PDLIM2: variants seen among roughly 807,000 people sequenced by gnomAD.
PDLIM2 encodes PDZ and LIM domain protein 2.
Under a neutral mutation model 54.1 loss-of-function variants are expected in PDLIM2, and 51 were observed. The observed-to-expected ratio is 0.94, with a 90% CI of 0.75 to 1.19. The LOEUF is 1.19. Ranked by LOEUF, PDLIM2 falls within the 50% of genes most tolerant of loss-of-function variation. The pLI, the probability that PDLIM2 is intolerant of heterozygous loss-of-function variation, is 0.00. For missense variants in PDLIM2, 912 were observed against 874.0 expected (o/e 1.04, Z -0.55); for synonymous variants, 398 against 385.6 (o/e 1.03, Z -0.38).
exon 1 of PDLIM2, chr8:22,579,311 G>A (rs1412029803): frequency 7.0e-7 from 1 of 1,423,428 alleles, no homozygotes; most frequent in Non-Finnish European, 9.1e-7. Context: ...GCGGAACCCT[G>A]GCCTCGTCCG....
intron 1 of PDLIM2, chr8:22,579,636 G>A: frequency 8.0e-7 from 1 of 1,244,056 alleles, no homozygotes; most frequent in Non-Finnish European, 1.0e-6. Flanking sequence ...CGGGGATGGA[G>A]CGGACAGACC....
At chr8:22,594,029 C>A (rs1463989073) in exon 10 of PDLIM2, 3 of 1,458,280 alleles carry the variant, frequency 2.1e-6, no homozygotes, top group Non-Finnish European at 2.7e-6. Flanking sequence ...AGACCTGAGG[C>A]CCCTTTGTCC....
chr8:22,594,672 C>T (rs759612123), downstream of PDLIM2: 53 of 1,597,546 alleles, frequency 3.3e-5, no homozygotes, highest in East Asian at 1.1e-4. Context: ...TCCTGAGGAC[C>T]GGCCGCCCAC....
intron 5 of PDLIM2, 34 bp downstream of exon 4, chr8:22,585,196 C>T: frequency 6.2e-7 from 1 of 1,609,204 alleles, no homozygotes; most frequent in Non-Finnish European, 8.5e-7. Flanking sequence ...CCCTGGTCGC[C>T]TGCGCTGCCA....
downstream of PDLIM2, chr8:22,594,660 GA>G: frequency 6.2e-7 from 1 of 1,607,116 alleles, no homozygotes; most frequent in Non-Finnish European, 8.5e-7. Flanking sequence ...GACAACCTCT[GA>G]TCCTGAGGAC....
intron 6 of PDLIM2, among the ~76,000 whole-genome samples, chr8:22,586,477 G>T (rs1331548272): frequency 6.6e-6 from 1 of 152,220 alleles, no homozygotes; most frequent in East Asian, 1.9e-4. Flanking sequence ...GGCTGTGTGA[G>T]GAGTATTGCT....
exon 3 of PDLIM2, chr8:22,581,459 G>C: frequency 6.2e-7 from 1 of 1,607,616 alleles, no homozygotes; most frequent in South Asian, 1.1e-5. Flanking sequence ...AAAGCGCGGA[G>C]GGCATGCTGC....
chr8:22,593,651 C>A, intron 9 of PDLIM2, 82 bp from the exon 9 acceptor site: 1 of 1,225,290 alleles, frequency 8.2e-7, no homozygotes, highest in Non-Finnish European at 1.1e-6. Flanking sequence ...CCTGATGCTA[C>A]AGTGGGGACC....
intron 1 of PDLIM2, chr8:22,579,579 G>A (rs1162402868): frequency 1.4e-6 from 2 of 1,425,010 alleles, no homozygotes; most frequent in Non-Finnish European, 1.8e-6. Context: ...TGGGGTGGGG[G>A]CGGTGCTGGG....
intron 6 of PDLIM2, chr8:22,588,855 T>C: frequency 4.8e-6 from 1 of 207,288 alleles, no homozygotes; most frequent in Non-Finnish European, 9.7e-6. Context: ...ACCCCTTGCT[T>C]CATCCCTTTA....
In PDLIM2 at chr8:22,589,298, G is replaced by T. The variant is rs922506743; in HGVS notation, c.1291G>T (p.Ala431Ser). 1.0e-4 allele frequency: 160 copies of T among 1,533,746 alleles called. No homozygotes were observed. Among genetic ancestry groups the T allele is most frequent in the Non-Finnish European group, 1.3e-4 (145 of 1,146,306 alleles). Reference sequence around the variant, plus strand: ...CTCCCCGGCTGCCTCCTCCCAACAGGCCGGCCTCGGCCGCGCTGGCGACTC... The same window carrying T: ...CTCCCCGGCTGCCTCCTCCCAACAGTCCGGCCTCGGCCGCGCTGGCGACTC... Residue 431 changes from alanine to serine, a missense_variant and splice_region_variant, in exon 7 of 10, where the codon GCC becomes TCC. Ala to Ser is a moderately conservative substitution (Grantham distance 99). Coordinates refer to ENST00000308354, the Ensembl canonical transcript of PDLIM2.
At chr8:22,580,850 T>C in intron 2 of PDLIM2, 153 bp downstream of exon 1, 1 of 867,178 alleles carries the variant, frequency 1.2e-6, no homozygotes, top group East Asian at 2.7e-5. Context: ...CCGTGGCCCT[T>C]TGCCACGGGG....
At chr8:22,591,741 T>C (rs1800556463) in intron 9 of PDLIM2, 73 bp downstream of exon 8, 2 of 1,395,484 alleles carry the variant, frequency 1.4e-6, no homozygotes, top group Non-Finnish European at 9.8e-7. Flanking sequence ...ACTGGATGCT[T>C]TCAGGAAGGG....
At chr8:22,584,325 T>C (rs1270669722) in intron 3 of PDLIM2, among the ~76,000 whole-genome samples, 1 of 152,046 alleles carries the variant, frequency 6.6e-6, no homozygotes, top group Non-Finnish European at 1.5e-5. Flanking sequence ...TGGTGTTTTT[T>C]TGAGACAGAA....
intron 9 of PDLIM2, chr8:22,593,242 A>AG (rs1800602568): frequency 6.5e-6 from 1 of 153,488 alleles, no homozygotes; most frequent in Admixed American, 6.5e-5. Flanking sequence ...TGTGTGTGTT[A>AG]GGGGGTTTGT....
At chr8:22,593,950 GTC>G (rs1800626192) in exon 10 of PDLIM2, 8 of 1,535,474 alleles carry the variant, frequency 5.2e-6, no homozygotes, top group Non-Finnish European at 7.0e-6. Context: ...CTGGGCCAGG[GTC>G]ATGCCTATAT....
At chr8:22,586,626 G>C (rs1586924323) in intron 6 of PDLIM2, among the ~76,000 whole-genome samples, 1 of 152,120 alleles carries the variant, frequency 6.6e-6, no homozygotes, top group East Asian at 1.9e-4. Flanking sequence ...CCTTTGTTCT[G>C]AGATGAGCCA....
rs1238343874 is a variant in PDLIM2, at chr8:22,589,584, C to A, written c.1368-12C>A. The A allele has an allele frequency of 1.9e-6, 3 of 1,599,956 alleles. No individual in the cohort carries two copies. ...ACGGGACCCTCATTCCTGGCTGCCT[C>A]CCACCCTGCAGCATGGACTCGGAAG... On this transcript the variant is annotated splice_polypyrimidine_tract_variant and intron_variant, in intron 7 of 9. Transcript: ENST00000308354.
exon 10 of PDLIM2, chr8:22,594,087 T>C: frequency 7.0e-7 from 1 of 1,429,248 alleles, no homozygotes; most frequent in South Asian, 1.5e-5. Context: ...TGTGGGAGAC[T>C]CACCCTCACC....
Sources: allele counts gnomAD v4.1 joint callset (sites outside exome capture counted in the v4.1 genomes callset), GRCh38; gene constraint gnomAD v4.1.1; transcripts MANE v1.5; gene names NCBI Gene and HGNC (gene_info 2026-07-23, HGNC 2026-07-21).